OR2C3: variants seen among roughly 807,000 people sequenced by gnomAD.
OR2C3 encodes the protein olfactory receptor 2C3.
For synonymous variants in OR2C3, 178 were observed against 163.4 expected (o/e 1.09, Z -0.68); for missense variants, 425 against 401.5 (o/e 1.06, Z -0.50).
rs549710390 is a variant in OR2C3, at chr1:247,532,226, C to T, written c.286G>A (p.Gly96Arg). 6.8e-6 allele frequency: 11 copies of T among 1,614,192 alleles called. No individual in the cohort carries two copies. In the African/African-American group the frequency reaches 9.3e-5, roughly 14 times the overall value. Residue 96 changes from glycine to arginine, a missense_variant, in exon 3 of 3, where the codon GGA becomes AGA. Coordinates refer to ENST00000641802, the MANE Select transcript of OR2C3 (RefSeq NM_198074.6). Reference protein sequence around the residue: ...LWGPQKTISYGGCVVQFYISH... With the variant: ...LWGPQKTISYRGCVVQFYISH... ...ATATAGAACTGGACCACACACCCTC[C>T]ATAGCTTATGGTTTTCTGTGGTCCC...
At chr1:247,532,785 G>A (rs1382323017) in intron 2 of OR2C3, among the ~76,000 whole-genome samples, 1 of 151,856 alleles carries the variant, frequency 6.6e-6, no homozygotes, top group East Asian at 1.9e-4. Context: ...TATACCCATT[G>A]TTTTCAAAAG....
At chr1:247,534,725 CAG>C (rs1443801955) in intron 1 of OR2C3, among the ~76,000 whole-genome samples, 1 of 152,104 alleles carries the variant, frequency 6.6e-6, no homozygotes, top group Non-Finnish European at 1.5e-5. Context: ...CTTAAAATCC[CAG>C]AGAGTAGAAT....
Position 247,532,393 on chromosome 1 carries a change from A to G in OR2C3, c.119T>C (p.Ile40Thr). Residue 40 changes from isoleucine to threonine, a missense_variant, in exon 3 of 3, where the codon ATC (isoleucine) becomes ACC (threonine). Transcript: ENST00000641802. ...CAGAATGATGATGCCATTGCCCAAG[A>G]TCGATACCATGTAAAAACTCAAGAC... is the stretch of plus-strand genomic sequence containing the variant. ...IVVLSFYMVS[I>T]LGNGIIILVS... 1 of 1,614,122 alleles carries G rather than the reference A, an allele frequency of 6.2e-7. No homozygotes were observed. Among genetic ancestry groups the G allele is most frequent in the South Asian group, 1.1e-5 (1 of 91,074 alleles).
Position 247,525,310 on chromosome 1 carries a change from T to C in OR2C3, c.*6239A>G, listed in dbSNP as rs1666634613. On this transcript the variant is annotated 3_prime_UTR_variant, in exon 3 of 3. Transcript: ENST00000641802. ...AGTTTTGACACTATCTACCTGGAAATAACGCCAGGTCTGCTGGGTGAGGGC... is the reference window on the plus strand; with the variant it reads ...AGTTTTGACACTATCTACCTGGAAACAACGCCAGGTCTGCTGGGTGAGGGC... 6.6e-6 allele frequency: 1 copy of C among 152,218 alleles called. No homozygotes were observed. The highest frequency in any genetic ancestry group is 1.5e-5 in the Non-Finnish European group (1 of 68,042). The allele number at this position is 152,218 out of a possible 1,614,324, so 9.4% of individuals were successfully genotyped here.
In OR2C3 at chr1:247,531,450, A is replaced by G. The variant is rs1279240617; in HGVS notation, c.*99T>C. On this transcript the variant is annotated 3_prime_UTR_variant, in exon 3 of 3. Coordinates refer to ENST00000641802, the MANE Select transcript of OR2C3 (RefSeq NM_198074.6). The stretch of plus-strand genomic sequence containing the variant: ...AGATTTCCATCTACCTTGAGCTCAA[A>G]CAATATTAGAAGAAAAACGACATCC... 8.1e-7 allele frequency: 1 copy of G among 1,233,156 alleles called. No individual in the cohort carries two copies. The highest frequency in any genetic ancestry group is 1.5e-5 in the African/African-American group (1 of 66,462). The allele number at this position is 1,233,156 out of a possible 1,614,324, so 76.4% of individuals were successfully genotyped here.
Position 247,525,906 on chromosome 1 carries a change from G to C in OR2C3, c.*5643C>G, listed in dbSNP as rs1666664112. 6.6e-6 allele frequency: 1 copy of C among 152,088 alleles called. No homozygotes were observed. The highest frequency in any genetic ancestry group is 1.5e-5 in the Non-Finnish European group (1 of 68,034). The allele number at this position is 152,088 out of a possible 1,614,324, so 9.4% of individuals were successfully genotyped here. A position where few individuals can be genotyped will look rare whatever the true frequency, so the allele number is the denominator to read the frequency against. On this transcript the variant is annotated 3_prime_UTR_variant, in exon 3 of 3. Coordinates refer to ENST00000641802, the MANE Select transcript of OR2C3 (RefSeq NM_198074.6). ...ACAAGTACCACTTTAAGGAATCCAAGGATTTTAGTAGTTGTATGCCTGGAA... is the reference window on the plus strand; with the variant it reads ...ACAAGTACCACTTTAAGGAATCCAACGATTTTAGTAGTTGTATGCCTGGAA...
At position 247,531,014 on chromosome 1, in the gene OR2C3, T is replaced by A. The variant is rs766090900; in HGVS notation, c.*535A>T. On this transcript the variant is annotated 3_prime_UTR_variant, in exon 3 of 3. Transcript: ENST00000641802. ...GGGGGAGGCCGCCGCTGCCACCAGG[T>A]CCCCGAGGTAGGGTAGGAAGAGGTT... 1 of 153,966 alleles carries A rather than the reference T, an allele frequency of 6.5e-6. No individual in the cohort carries two copies. The highest frequency in any genetic ancestry group is 1.9e-4 in the East Asian group (1 of 5,182). The allele number at this position is 153,966 out of a possible 1,614,324, so 9.5% of individuals were successfully genotyped here.
At chr1:247,535,247 C>G (rs1667173386) in intron 1 of OR2C3, among the ~76,000 whole-genome samples, 1 of 152,118 alleles carries the variant, frequency 6.6e-6, no homozygotes, top group Non-Finnish European at 1.5e-5. Context: ...CCCACGAGAT[C>G]AAGGCTGTAA....
chr1:247,534,150 G>A (rs1380072533), intron 1 of OR2C3, among the ~76,000 whole-genome samples: 1 of 152,012 alleles, frequency 6.6e-6, no homozygotes, highest in Non-Finnish European at 1.5e-5. Context: ...TTTATATAAG[G>A]TGATAATCTT....
In OR2C3 at chr1:247,532,507, A is replaced by G; in HGVS notation, c.5T>C (p.Met2Thr). The G allele has an allele frequency of 5.0e-6, 8 of 1,612,950 alleles. No individual in the cohort carries two copies. In the South Asian group the frequency reaches 8.8e-5, roughly 18 times the overall value. Residue 2 changes from methionine to threonine, a missense_variant, in exon 3 of 3, where the codon ATG becomes ACG. Met to Thr is a moderately conservative substitution (Grantham distance 81). Coordinates refer to ENST00000641802, the MANE Select transcript of OR2C3 (RefSeq NM_198074.6). ...TGGAGAACTCACATTGGCTATTTCC[A>G]TCATTGTATGCTGGGGGTGGGGCAA... is the stretch of plus-strand genomic sequence containing the variant. M[M>T]EIANVSSPEV...
chr1:247,532,319 C>A lies in OR2C3; in HGVS notation c.193G>T (p.Ala65Ser). ...CTCATGTCCAGGAAGGGGAGGTTGG[C>A]AAGAAAGAAGTACATAGGTGTGTGG... ...HLHTPMYFFL[A>S]NLPFLDMSFT... Residue 65 changes from alanine (A) to serine (S), a missense_variant, in exon 3 of 3, where the codon GCC (alanine) becomes TCC (serine). Physicochemically the swap from Ala to Ser is moderately conservative, Grantham distance 99. Coordinates refer to ENST00000641802, the MANE Select transcript of OR2C3 (RefSeq NM_198074.6). 6.2e-7 allele frequency: 1 copy of A among 1,614,088 alleles called. No homozygotes were observed.
Position 247,532,406 on chromosome 1 carries a change from A to G in OR2C3, c.106T>C (p.Tyr36His). 6.2e-7 allele frequency: 1 copy of G among 1,614,146 alleles called. No individual in the cohort carries two copies. The highest frequency in any genetic ancestry group is 2.2e-5 in the East Asian group (1 of 44,866). ...CCATTGCCCAAGATCGATACCATGTAAAAACTCAAGACAACTATGAAGAGG... is the reference window on the plus strand; with the variant it reads ...CCATTGCCCAAGATCGATACCATGTGAAAACTCAAGACAACTATGAAGAGG... ...TVLFIVVLSF[Y>H]MVSILGNGII... Residue 36 changes from tyrosine to histidine, a missense_variant, in exon 3 of 3, where the codon TAC (tyrosine) becomes CAC (histidine). Physicochemically the swap from Tyr to His is moderately conservative, Grantham distance 83. Transcript: ENST00000641802.
rs935302458 is a variant in OR2C3 at position 247,536,342 on chromosome 1, C to T, written c.-576G>A. ...CTGCAAATAGTGGAAATCTCTAAGTCGGTGGTAGCAGACGTGTTAGATTCT... is the reference window on the plus strand; with the variant it reads ...CTGCAAATAGTGGAAATCTCTAAGTTGGTGGTAGCAGACGTGTTAGATTCT... On this transcript the variant is annotated 5_prime_UTR_variant, in exon 1 of 3. Coordinates refer to ENST00000641802, the MANE Select transcript of OR2C3 (RefSeq NM_198074.6). 10 of 152,066 alleles carry T rather than the reference C, an allele frequency of 6.6e-5. No individual in the cohort carries two copies. The highest frequency in any genetic ancestry group is 5.8e-4 in the East Asian group (3 of 5,190). The allele number at this position is 152,066 out of a possible 1,614,324, so 9.4% of individuals were successfully genotyped here. A position where few individuals can be genotyped will look rare whatever the true frequency, so the allele number is the denominator to read the frequency against.
In OR2C3 at chr1:247,529,267, A is replaced by G. The variant is rs1666809544; in HGVS notation, c.*2282T>C. 2.6e-5 allele frequency: 4 copies of G among 152,356 alleles called. No homozygotes were observed. Among genetic ancestry groups the G allele is most frequent in the East Asian group, 3.9e-4 (2 of 5,188 alleles). 9.4% of individuals were successfully genotyped at this position (152,356 alleles called of 1,614,324 possible). On this transcript the variant is annotated 3_prime_UTR_variant, in exon 3 of 3. Coordinates refer to ENST00000641802, the MANE Select transcript of OR2C3 (RefSeq NM_198074.6). ...AATCATCACCATGGCATCCCCTGCA[A>G]TATCACCTGTAACCAGGAAACATAT...
At position 247,531,887 on chromosome 1, in the gene OR2C3, C is replaced by A. The variant is rs1177557332; in HGVS notation, c.625G>T (p.Val209Phe). 6.2e-7 allele frequency: 1 copy of A among 1,614,172 alleles called. No individual in the cohort carries two copies. Among genetic ancestry groups the A allele is most frequent in the Non-Finnish European group, 8.5e-7 (1 of 1,180,026 alleles). ...EMYLASFVFV[V>F]LPLGLILVSY... The stretch of plus-strand genomic sequence containing the variant: ...ACCAGGATGAGCCCCAGAGGCAGGA[C>A]AACAAAGACAAAGCTGGCCAGGTAC... The change falls in exon 3 of 3, where the codon GTC becomes TTC. Residue 209 changes from valine to phenylalanine, a missense_variant. Physicochemically the swap from Val to Phe is conservative, Grantham distance 50. Coordinates refer to ENST00000641802, the MANE Select transcript of OR2C3 (RefSeq NM_198074.6).
At position 247,529,409 on chromosome 1, in the gene OR2C3, T is replaced by A. The variant is rs900729585; in HGVS notation, c.*2140A>T. On this transcript the variant is annotated 3_prime_UTR_variant, in exon 3 of 3. Transcript: ENST00000641802. ...GAATGATGGAATGGGCTTTATTGAA[T>A]GATGGAATGGCCTGCTGAAGGTTTA... 2.6e-5 allele frequency: 4 copies of A among 152,212 alleles called. No individual in the cohort carries two copies. Among genetic ancestry groups the A allele is most frequent in the Non-Finnish European group, 5.9e-5 (4 of 68,040 alleles). The allele number at this position is 152,212 out of a possible 1,614,324, so 9.4% of individuals were successfully genotyped here.
Position 247,527,586 on chromosome 1 carries a change from T to C in OR2C3, c.*3963A>G, listed in dbSNP as rs1666734165. The C allele has an allele frequency of 6.6e-6, 1 of 152,484 alleles. No individual in the cohort carries two copies. Among genetic ancestry groups the C allele is most frequent in the African/African-American group, 2.4e-5 (1 of 41,458 alleles). 9.4% of individuals were successfully genotyped at this position (152,484 alleles called of 1,614,324 possible). A position where few individuals can be genotyped will look rare whatever the true frequency, so the allele number is the denominator to read the frequency against. ...TTGAAGTTTTTCTTCAGATCTTGAA[T>C]GTTTGAAAATTTTTTTATTTTAGCT... On this transcript the variant is annotated 3_prime_UTR_variant, in exon 3 of 3. Transcript: ENST00000641802. The surrounding 1 kb of genome is among the most constrained non-coding windows in gnomAD (Gnocchi z 4.6).
Position 247,532,208 on chromosome 1 carries a change from A to C in OR2C3, c.304T>G (p.Phe102Val). 6.2e-7 allele frequency: 1 copy of C among 1,614,130 alleles called. No homozygotes were observed. The highest frequency in any genetic ancestry group is 8.5e-7 in the Non-Finnish European group (1 of 1,180,012). ...TISYGGCVVQ[F>V]YISHWLGATE... Reference sequence around the variant, plus strand: ...GCCCCCAGCCAATGGGAGATATAGAACTGGACCACACACCCTCCATAGCTT... The same window carrying C: ...GCCCCCAGCCAATGGGAGATATAGACCTGGACCACACACCCTCCATAGCTT... The change falls in exon 3 of 3, where the codon TTC (phenylalanine) becomes GTC (valine). Residue 102 changes from phenylalanine (F) to valine (V), a missense_variant. Transcript: ENST00000641802.
Position 247,527,823 on chromosome 1 carries a change from A to G in OR2C3, c.*3726T>C, listed in dbSNP as rs1666742563. 6.6e-6 allele frequency: 1 copy of G among 152,178 alleles called. No individual in the cohort carries two copies. Among genetic ancestry groups the G allele is most frequent in the South Asian group, 2.1e-4 (1 of 4,830 alleles). 9.4% of individuals were successfully genotyped at this position (152,178 alleles called of 1,614,324 possible). On this transcript the variant is annotated 3_prime_UTR_variant, in exon 3 of 3. Transcript: ENST00000641802. The surrounding 1 kb of genome is among the most constrained non-coding windows in gnomAD (Gnocchi z 4.6). ...TATGGTCATCCCGCAGTGGTATAGA[A>G]CACTAGAACTTACTCCTCCAATGGA...
Sources: gnomAD v4.1 joint callset for allele counts (sites outside exome capture counted in the v4.1 genomes callset) on GRCh38, gnomAD v4.1.1 for gene constraint, Gnocchi (gnomAD v3.1) non-coding constraint, MANE v1.5 for transcripts, NCBI Gene and HGNC (gene_info 2026-07-23, HGNC 2026-07-21) for gene names.